Variants in CCSER2 observed in about 807,000 individuals in gnomAD.
CCSER2 encodes the protein coiled-coil serine rich protein 2.
In CCSER2, 46 loss-of-function variants were observed where a neutral mutation model predicts 92.3. The ratio of observed to expected loss-of-function variants is 0.50; its 90% CI spans 0.39 to 0.64. CCSER2 has a LOEUF of 0.64. Among genes scored for constraint, CCSER2 ranks in the 30% least tolerant of loss-of-function variants. The pLI, the probability that CCSER2 is intolerant of heterozygous loss-of-function variation, is 0.00. For synonymous variants in CCSER2, 433 were observed against 431.4 expected (o/e 1.00, Z -0.04); for missense variants, 1,244 against 1,238.9 (o/e 1.00, Z -0.06).
intron 1 of CCSER2, among the ~76,000 whole-genome samples, chr10:84,344,377 G>A (rs1045494875): frequency 9.3e-5 from 14 of 150,102 alleles, no homozygotes; most frequent in East Asian, 2.0e-4. Flanking sequence ...GTTAGTTTTT[G>A]CTGTTGCTTT....
intron 7 of CCSER2, among the ~76,000 whole-genome samples, chr10:84,466,488 TTC>T (rs1454283914): frequency 1.3e-5 from 2 of 151,134 alleles, no homozygotes; most frequent in Admixed American, 1.3e-4. Context: ...CCTTCTTGCT[TTC>T]TTTTTTTTGT....
intron 6 of CCSER2, among the ~76,000 whole-genome samples, chr10:84,445,438 C>T (rs1386228065): frequency 6.6e-6 from 1 of 152,242 alleles, no homozygotes; most frequent in Non-Finnish European, 1.5e-5. Context: ...CAGGCGTGAG[C>T]CACCGCACCT....
intron 1 of CCSER2, among the ~76,000 whole-genome samples, chr10:84,343,474 A>G (rs1247369509): frequency 6.6e-6 from 1 of 152,206 alleles, no homozygotes; most frequent in Non-Finnish European, 1.5e-5. Flanking sequence ...TATACAAAAC[A>G]AGTATTCAGG....
At chr10:84,404,595 T>G (rs1842284942) in intron 3 of CCSER2, among the ~76,000 whole-genome samples, 1 of 152,190 alleles carries the variant, frequency 6.6e-6, no homozygotes, top group Non-Finnish European at 1.5e-5. Flanking sequence ...GATTAGCTAG[T>G]GAACTACTAA....
chr10:84,446,773 C>T (rs1844943777), intron 6 of CCSER2, among the ~76,000 whole-genome samples: 1 of 151,990 alleles, frequency 6.6e-6, no homozygotes, highest in Admixed American at 6.5e-5. Context: ...AGAGTTTTCC[C>T]TTGTTTTTCC....
intron 9 of CCSER2, among the ~76,000 whole-genome samples, chr10:84,508,760 G>T (rs1256082589): frequency 1.3e-5 from 2 of 152,108 alleles, no homozygotes; most frequent in Non-Finnish European, 2.9e-5. Context: ...TCATATTCTA[G>T]TTTATTATTA....
chr10:84,333,460 G>A (rs1843681913), intron 1 of CCSER2, among the ~76,000 whole-genome samples: 3 of 152,146 alleles, frequency 2.0e-5, no homozygotes, highest in Non-Finnish European at 1.5e-5. Flanking sequence ...AGTAAGCATT[G>A]GAACTGGAAC....
intron 3 of CCSER2, among the ~76,000 whole-genome samples, chr10:84,395,102 T>C (rs1262262190): frequency 6.6e-6 from 1 of 151,410 alleles, no homozygotes; most frequent in Non-Finnish European, 1.5e-5. Context: ...CATATGCCTG[T>C]GGTTCCAGCT....
intron 1 of CCSER2, among the ~76,000 whole-genome samples, chr10:84,346,819 T>C (rs1172959130): frequency 6.6e-6 from 1 of 151,678 alleles, no homozygotes; most frequent in Admixed American, 6.6e-5. Context: ...TTCTTGGGTG[T>C]TTCTCGCAGA....
At chr10:84,437,258 C>G (rs1474909850) in intron 5 of CCSER2, among the ~76,000 whole-genome samples, 2 of 152,096 alleles carry the variant, frequency 1.3e-5, no homozygotes, top group Non-Finnish European at 2.9e-5. Flanking sequence ...GTGGCTCACA[C>G]CTGTAATCCC....
intron 9 of CCSER2, among the ~76,000 whole-genome samples, chr10:84,480,090 G>C (rs924599591): frequency 6.6e-6 from 1 of 152,108 alleles, no homozygotes; most frequent in Non-Finnish European, 1.5e-5. Flanking sequence ...TGTCACCCAG[G>C]CTAGAGTGCA....
At chr10:84,478,861 G>C (rs1001818924) in intron 9 of CCSER2, among the ~76,000 whole-genome samples, 4 of 152,194 alleles carry the variant, frequency 2.6e-5, no homozygotes, top group African/African-American at 9.7e-5. Flanking sequence ...GAAAGCAAAA[G>C]ATACCAACAG....
chr10:84,471,097 T>C (rs548548001), intron 8 of CCSER2, among the ~76,000 whole-genome samples: 144 of 152,216 alleles, frequency 9.5e-4, no homozygotes, highest in African/African-American at 3.3e-3. Flanking sequence ...ATCTTTGTTG[T>C]GAGTCAAGAG....
At chr10:84,448,210 T>C (rs1177376144) in intron 6 of CCSER2, among the ~76,000 whole-genome samples, 1 of 152,110 alleles carries the variant, frequency 6.6e-6, no homozygotes, top group Admixed American at 6.6e-5. Flanking sequence ...AGCCCTTTAC[T>C]CATTGTCATG....
At chr10:84,429,870 T>C (rs1191223820) in intron 5 of CCSER2, among the ~76,000 whole-genome samples, 1 of 104,626 alleles carries the variant, frequency 9.6e-6, no homozygotes, top group Non-Finnish European at 2.3e-5. Context: ...CACAAAAAAT[T>C]TGAAAAAAAA....
At chr10:84,479,378 C>A (rs1847330733) in intron 9 of CCSER2, among the ~76,000 whole-genome samples, 1 of 152,060 alleles carries the variant, frequency 6.6e-6, no homozygotes, top group Non-Finnish European at 1.5e-5. Flanking sequence ...ATTGAAGAGC[C>A]TTTGAAGGAG....
intron 3 of CCSER2, 82 bp downstream of exon 3, chr10:84,373,897 A>G (rs1846196333): frequency 6.4e-7 from 1 of 1,568,150 alleles, no homozygotes; most frequent in East Asian, 2.4e-5. Context: ...TTTTGTAAAA[A>G]ATTTATGAAT....
At chr10:84,465,861 C>T (rs1287793639) in intron 7 of CCSER2, among the ~76,000 whole-genome samples, 1 of 152,186 alleles carries the variant, frequency 6.6e-6, no homozygotes, top group South Asian at 2.1e-4. Flanking sequence ...CGCCATTCTT[C>T]TGCCTCAGCC....
At chr10:84,447,831 G>A (rs10887292) in intron 6 of CCSER2, among the ~76,000 whole-genome samples, 129,757 of 152,120 alleles carry the variant, frequency 0.85, 55,415 homozygotes, top group East Asian at 0.9. Flanking sequence ...GTTTTTTGCA[G>A]CAGAGTGTTG....
Sources: allele counts gnomAD v4.1 joint callset (sites outside exome capture counted in the v4.1 genomes callset), GRCh38; gene constraint gnomAD v4.1.1; transcripts MANE v1.5; gene names NCBI Gene and HGNC (gene_info 2026-07-23, HGNC 2026-07-21).